OXTR: variants seen among roughly 807,000 people sequenced by gnomAD.
OXTR encodes oxytocin receptor.
OXTR carries 19 observed loss-of-function variants against 23.9 expected under a neutral mutation model. The ratio of observed to expected loss-of-function variants is 0.80; its 90% CI spans 0.56 to 1.17. The LOEUF (loss-of-function observed/expected upper bound fraction) is 1.17. Ranked by LOEUF, OXTR falls within the 50% of genes most tolerant of loss-of-function variation. The pLI is 0.00. For missense variants in OXTR, 500 were observed against 550.7 expected (o/e 0.91, Z 0.92); for synonymous variants, 278 against 250.5 (o/e 1.11, Z -1.04).
chr3:8,745,482 G>T (rs200936371), downstream of OXTR: 1 of 1,146,870 alleles, frequency 8.7e-7, no homozygotes, highest in South Asian at 1.2e-5. The surrounding 1 kb of genome is among the most constrained non-coding windows in gnomAD (Gnocchi z 4.8). Context: ...CTTGAGAAGC[G>T]GGTGGCTTCT....
intron 3 of OXTR, among the ~76,000 whole-genome samples, chr3:8,760,953 CTT>C (rs971026001): frequency 6.6e-5 from 10 of 152,322 alleles, no homozygotes; most frequent in African/African-American, 2.4e-4. Flanking sequence ...CCAGGGATGA[CTT>C]TGCCCCTTAG....
At chr3:8,748,543 A>T (rs1407837016), downstream of OXTR, among the ~76,000 whole-genome samples, 1 of 152,102 alleles carries the variant, frequency 6.6e-6, no homozygotes, top group Non-Finnish European at 1.5e-5. Context: ...AGTTCCAGTC[A>T]CCGTTCTTGG....
At position 8,767,340 on chromosome 3, in the gene OXTR, G is replaced by C; in HGVS notation, c.848C>G (p.Ala283Gly). 1 of 1,611,154 alleles carries C rather than the reference G, an allele frequency of 6.2e-7. No homozygotes were observed. The highest frequency in any genetic ancestry group is 8.5e-7 in the Non-Finnish European group (1 of 1,179,024). ...GAAAGGCGTCCAGCACACGATGAAG[G>C]CCAGCACGATGATGAAAGTCATCTT... ...TVKMTFIIVL[A>G]FIVCWTPFFF... The change falls in exon 3 of 4, where the codon GCC becomes GGC. Residue 283 changes from alanine to glycine, a missense_variant. Coordinates refer to ENST00000316793, the MANE Select transcript of OXTR (RefSeq NM_000916.4).
chr3:8,746,920 G>A (rs759320738), downstream of OXTR, among the ~76,000 whole-genome samples: 38 of 151,966 alleles, frequency 2.5e-4, no homozygotes, highest in Admixed American at 5.9e-4. Flanking sequence ...TCTGTGGTCC[G>A]GTTCTTTCAG....
At chr3:8,744,416 C>G in the OXTR span, among the ~76,000 whole-genome samples, 3 of 149,206 alleles carry the variant, frequency 2.0e-5, no homozygotes, top group South Asian at 6.4e-4. Context: ...GTAGCTGGGA[C>G]TACAGACACC....
chr3:8,745,836 G>A, downstream of OXTR: 1 of 1,613,370 alleles, frequency 6.2e-7, no homozygotes, highest in Non-Finnish European at 8.5e-7. This position sits in a 1 kb window ranked among gnomAD's most constrained non-coding sequence, Gnocchi z 4.8. Context: ...GTCTGCAGCA[G>A]CATCAAGGTG....
chr3:8,749,980 C>G (rs575665108), downstream of OXTR, among the ~76,000 whole-genome samples: 9 of 152,246 alleles, frequency 5.9e-5, no homozygotes, highest in South Asian at 1.9e-3. Flanking sequence ...AAAAGGTGCC[C>G]CACCATGCAC....
Position 8,768,138 on chromosome 3 carries a change from C to T in OXTR, c.50G>A (p.Ser17Asn). ...ANWSAEAANA[S>N]AAPPGAEGNR... Reference sequence around the variant, plus strand: ...GCCCTCGGCCCCCGGCGGCGCGGCGCTGGCGTTGGCTGCCTCGGCGCTCCA... The same window carrying T: ...GCCCTCGGCCCCCGGCGGCGCGGCGTTGGCGTTGGCTGCCTCGGCGCTCCA... The change falls in exon 3 of 4, where the codon AGC (serine) becomes AAC (asparagine). Residue 17 changes from serine (S) to asparagine (N), a missense_variant. Ser to Asn is a conservative substitution (Grantham distance 46). Coordinates refer to ENST00000316793, the MANE Select transcript of OXTR (RefSeq NM_000916.4). The surrounding 1 kb of genome is among the most constrained non-coding windows in gnomAD (Gnocchi z 5.4). 7.5e-7 allele frequency: 1 copy of T among 1,342,032 alleles called. No homozygotes were observed. Among genetic ancestry groups the T allele is most frequent in the South Asian group, 2.0e-5 (1 of 48,992 alleles). 83.1% of individuals were successfully genotyped at this position (1,342,032 alleles called of 1,614,324 possible). A position where few individuals can be genotyped will look rare whatever the true frequency, so the allele number is the denominator to read the frequency against.
chr3:8,769,141 G>A (rs1708707693), intron 1 of OXTR, 90 bp downstream of exon 1: 1 of 152,368 alleles, frequency 6.6e-6, no homozygotes, highest in African/African-American at 2.4e-5. Flanking sequence ...CAGGAACAAG[G>A]AGTGCGAGGC....
Position 8,767,366 on chromosome 3 carries a change from G to A in OXTR, c.822C>T (p.Val274=), listed in dbSNP as rs758942786. 6.2e-7 allele frequency: 1 copy of A among 1,612,796 alleles called. No individual in the cohort carries two copies. Among genetic ancestry groups the A allele is most frequent in the East Asian group, 2.2e-5 (1 of 44,794 alleles). ...KLISKAKIRT[V]KMTFIIVLAF... The stretch of plus-strand genomic sequence containing the variant: ...CCAGCACGATGATGAAAGTCATCTT[G>A]ACCGTGCGGATCTTGGCCTTGGAGA... The change falls in exon 3 of 4, where the codon GTC becomes GTT. Residue 274 remains valine (V), a synonymous_variant. Transcript: ENST00000316793.
At chr3:8,764,811 C>A (rs1171520097) in intron 3 of OXTR, among the ~76,000 whole-genome samples, 3 of 152,150 alleles carry the variant, frequency 2.0e-5, no homozygotes, top group African/African-American at 7.2e-5. Context: ...GGGGAGGTCC[C>A]GGCTGCAGCA....
chr3:8,766,977 G>A (rs1048256161), intron 3 of OXTR, among the ~76,000 whole-genome samples: 6 of 152,148 alleles, frequency 3.9e-5, no homozygotes, highest in South Asian at 2.1e-4. Flanking sequence ...TGCAGCCCAA[G>A]GACTGTGCTA....
the OXTR span, chr3:8,744,714 T>A: frequency 1.3e-5 from 2 of 152,156 alleles, no homozygotes; most frequent in African/African-American, 4.8e-5. Context: ...CACCATCCAA[T>A]CCACAGGTGC....
downstream of OXTR, chr3:8,745,980 A>G: frequency 3.8e-6 from 3 of 783,252 alleles, no homozygotes; most frequent in Middle Eastern, 6.9e-4. This position sits in a 1 kb window ranked among gnomAD's most constrained non-coding sequence, Gnocchi z 4.8. Context: ...GGACTGCTCC[A>G]TACCCCATGA....
the OXTR span, among the ~76,000 whole-genome samples, chr3:8,743,257 T>A: frequency 2.0e-5 from 3 of 152,254 alleles, no homozygotes; most frequent in East Asian, 5.8e-4. Flanking sequence ...GGGTTGTGGA[T>A]GTATGGATGA....
downstream of OXTR, chr3:8,746,820 G>A (rs1708181172): frequency 9.6e-6 from 1 of 103,752 alleles, no homozygotes; most frequent in African/African-American, 4.4e-5. Context: ...CACACACACA[G>A]TGCCCTTATC....
chr3:8,769,263 A>G lies in OXTR; in HGVS notation c.-271T>C. The G allele has an allele frequency of 6.6e-6, 1 of 152,018 alleles. No individual in the cohort carries two copies. Among genetic ancestry groups the G allele is most frequent in the Non-Finnish European group, 1.5e-5 (1 of 68,054 alleles). 9.4% of individuals were successfully genotyped at this position (152,018 alleles called of 1,614,324 possible). ...GAGTCCGCAGGCGAACCTAAAGTTG[A>G]CTCCCCCCGGGGAAGTTGCACGGCG... is the stretch of plus-strand genomic sequence containing the variant. On this transcript the variant is annotated 5_prime_UTR_variant, in exon 1 of 4. Coordinates refer to ENST00000316793, the MANE Select transcript of OXTR (RefSeq NM_000916.4).
chr3:8,760,533 C>T (rs1575487269), intron 3 of OXTR, among the ~76,000 whole-genome samples: 1 of 152,172 alleles, frequency 6.6e-6, no homozygotes, highest in East Asian at 1.9e-4. Context: ...GAAGAAGCCC[C>T]GCAAACTGGG....
At position 8,752,983 on chromosome 3, in the gene OXTR, C is replaced by A. The variant is rs913710955; in HGVS notation, c.1164G>T (p.Thr388=). 2 of 1,610,610 alleles carry A rather than the reference C, an allele frequency of 1.2e-6. No individual in the cohort carries two copies. Among genetic ancestry groups the A allele is most frequent in the Non-Finnish European group, 8.5e-7 (1 of 1,177,604 alleles). ...CCTGGCCCTGGCTGGTGGGTCACGC[C>A]GTGGATGGCTGGGAGCAGCTCCTCT... ...SSQRSCSQPS[T]A The change falls in exon 4 of 4, where the codon ACG becomes ACT. Residue 388 remains threonine, a synonymous_variant. Transcript: ENST00000316793.
Sources: allele counts gnomAD v4.1 joint callset (sites outside exome capture counted in the v4.1 genomes callset), GRCh38; gene constraint gnomAD v4.1.1; non-coding constraint Gnocchi (gnomAD v3.1); transcripts MANE v1.5; gene names NCBI Gene and HGNC (gene_info 2026-07-23, HGNC 2026-07-21).